The following HMGCLL1 variants were observed in gnomAD, a reference collection of about 807,000 sequenced individuals.
HMGCLL1 encodes 3-hydroxy-3-methylglutaryl-CoA lyase like 1.
HMGCLL1 carries 36 observed loss-of-function variants against 39.1 expected under a neutral mutation model. That is an observed-to-expected ratio of 0.92 (90% CI 0.71 to 1.22). The LOEUF (loss-of-function observed/expected upper bound fraction) is 1.22. HMGCLL1 is among the 50% of genes most tolerant of loss of function. HMGCLL1 has a pLI of 0.00. For synonymous variants in HMGCLL1, 149 were observed against 144.0 expected (o/e 1.03, Z -0.25); for missense variants, 451 against 416.5 (o/e 1.08, Z -0.72).
At chr6:55,608,874 G>T in the HMGCLL1 span, among the ~76,000 whole-genome samples, 1 of 152,186 alleles carries the variant, frequency 6.6e-6, no homozygotes, top group African/African-American at 2.4e-5. Context: ...AGCAACCAAG[G>T]TATCCAGGTT....
intron 3 of HMGCLL1, among the ~76,000 whole-genome samples, chr6:55,528,606 T>C: frequency 6.7e-6 from 1 of 150,212 alleles, no homozygotes; most frequent in East Asian, 2.0e-4. Context: ...CTTACAATAA[T>C]AAACACAGGA....
chr6:55,500,223 T>A (rs1407368928), intron 5 of HMGCLL1, among the ~76,000 whole-genome samples: 1 of 151,948 alleles, frequency 6.6e-6, no homozygotes, highest in African/African-American at 2.4e-5. Context: ...CATTCCAAGT[T>A]GTCTGGACTT....
intron 7 of HMGCLL1, among the ~76,000 whole-genome samples, chr6:55,493,926 G>A (rs755333663): frequency 5.9e-5 from 9 of 151,768 alleles, no homozygotes; most frequent in Non-Finnish European, 1.0e-4. Flanking sequence ...TAGTAGAGAC[G>A]GGGGTTCTCC....
At chr6:55,643,333 T>C in the HMGCLL1 span, among the ~76,000 whole-genome samples, 994 of 152,202 alleles carry the variant, frequency 6.5e-3, 17 homozygotes, top group African/African-American at 0.022. Flanking sequence ...ATAGCTATTC[T>C]GACTGGTATA....
intron 1 of HMGCLL1, among the ~76,000 whole-genome samples, chr6:55,552,229 T>C (rs1001478985): frequency 3.3e-5 from 5 of 152,014 alleles, no homozygotes; most frequent in Admixed American, 3.3e-4. Flanking sequence ...GTAGGGCATA[T>C]ACATGTAGCA....
At chr6:55,620,529 C>T in the HMGCLL1 span, among the ~76,000 whole-genome samples, 4 of 151,914 alleles carry the variant, frequency 2.6e-5, no homozygotes, top group Non-Finnish European at 5.9e-5. Flanking sequence ...TACATTTTTA[C>T]TTGGATTATT....
chr6:55,530,605 TC>T (rs1768607805), intron 3 of HMGCLL1, among the ~76,000 whole-genome samples: 1 of 152,166 alleles, frequency 6.6e-6, no homozygotes, highest in Non-Finnish European at 1.5e-5. Context: ...ATATTCTTTT[TC>T]TTTTATCAAA....
intron 7 of HMGCLL1, among the ~76,000 whole-genome samples, chr6:55,449,468 T>C (rs1225020351): frequency 1.3e-5 from 2 of 152,180 alleles, no homozygotes; most frequent in Non-Finnish European, 2.9e-5. Flanking sequence ...GGAACATGTG[T>C]GGTGGGCTGT....
At chr6:55,638,973 C>A in the HMGCLL1 span, among the ~76,000 whole-genome samples, 5 of 152,042 alleles carry the variant, frequency 3.3e-5, no homozygotes, top group African/African-American at 1.2e-4. Context: ...CAGGCAAACA[C>A]AGGAAAATGA....
At chr6:55,590,397 A>T in the HMGCLL1 span, among the ~76,000 whole-genome samples, 1 of 152,284 alleles carries the variant, frequency 6.6e-6, no homozygotes, top group African/African-American at 2.4e-5. Flanking sequence ...TATGAAAATT[A>T]ATTCAAGATG....
intron 7 of HMGCLL1, among the ~76,000 whole-genome samples, chr6:55,456,685 T>C (rs1347329907): frequency 6.6e-6 from 1 of 152,174 alleles, no homozygotes; most frequent in Non-Finnish European, 1.5e-5. Context: ...CATATTTTCT[T>C]TGTGTCCTCC....
chr6:55,588,840 C>T, the HMGCLL1 span, among the ~76,000 whole-genome samples: 1 of 152,112 alleles, frequency 6.6e-6, no homozygotes, highest in Admixed American at 6.6e-5. Context: ...CATACACCCT[C>T]CCAAAACTAA....
chr6:55,600,707 T>A, the HMGCLL1 span, among the ~76,000 whole-genome samples: 20 of 152,102 alleles, frequency 1.3e-4, no homozygotes, highest in Admixed American at 2.0e-4. Flanking sequence ...CTTCAACAAA[T>A]CAAATTTGAA....
chr6:55,613,312 G>A, the HMGCLL1 span, among the ~76,000 whole-genome samples: 75 of 152,316 alleles, frequency 4.9e-4, 1 homozygote, highest in Middle Eastern at 3.4e-3. Flanking sequence ...TTGTGAGGCT[G>A]TGGAGAAATC....
At chr6:55,435,861 T>C (rs2127376686) in intron 8 of HMGCLL1, 98 bp from the exon 9 acceptor site, 1 of 534,106 alleles carries the variant, frequency 1.9e-6, no homozygotes, top group Non-Finnish European at 3.2e-6. Flanking sequence ...TACTTAACCA[T>C]TTAAAATTAC....
rs181023528 is a variant in HMGCLL1 at position 55,537,217 on chromosome 6, T to C, written c.297+4512A>G. 9.8e-5 allele frequency among the ~76,000 whole-genome samples: 15 copies of C among 152,290 alleles called. No individual in the cohort carries two copies. The East Asian group carries it at 2.7e-3, about 27-fold the overall frequency. ...TTGGAAAAGTAGAATATCCTCAATA[T>C]TTGCCTTTGACAAACATTTAATGTG... On this transcript the variant is annotated intron_variant, in intron 3 of 8. Transcript: ENST00000274901.
At chr6:55,481,114 C>G (rs1765721891) in intron 7 of HMGCLL1, among the ~76,000 whole-genome samples, 1 of 152,074 alleles carries the variant, frequency 6.6e-6, no homozygotes, top group African/African-American at 2.4e-5. Flanking sequence ...GGCACAGTGG[C>G]TCACGCCTAG....
intron 8 of HMGCLL1, 110 bp from the exon 9 acceptor site, chr6:55,435,873 A>G (rs973437049): frequency 1.8e-5 from 9 of 501,902 alleles, no homozygotes; most frequent in African/African-American, 1.6e-4. Context: ...TAAAATTACT[A>G]AACAAAGTGG....
At chr6:55,567,192 G>C (rs935944647) in intron 1 of HMGCLL1, among the ~76,000 whole-genome samples, 1 of 152,024 alleles carries the variant, frequency 6.6e-6, no homozygotes, top group Non-Finnish European at 1.5e-5. Context: ...AAGTATTGAG[G>C]TTGGCCATTG....
Sources: allele counts gnomAD v4.1 joint callset (sites outside exome capture counted in the v4.1 genomes callset), GRCh38; gene constraint gnomAD v4.1.1; transcripts MANE v1.5; gene names NCBI Gene and HGNC (gene_info 2026-07-23, HGNC 2026-07-21).